The following RSU1 variants were observed in gnomAD, a reference collection of about 807,000 sequenced individuals.
RSU1 encodes the protein rsu-1.
In RSU1, 26 loss-of-function variants were observed where a neutral mutation model predicts 31.1. The observed-to-expected ratio is 0.84, with a 90% CI of 0.61 to 1.16. RSU1 has a LOEUF of 1.16. Among genes scored for constraint, RSU1 ranks in the 50% most tolerant of loss-of-function variants. The probability of loss-of-function intolerance (pLI) is 0.00; values close to 1 mark genes in which losing one functional copy is unlikely to be tolerated. For synonymous variants in RSU1, 164 were observed against 136.3 expected, an observed-to-expected ratio of 1.20 and a Z score of -1.41; for missense variants, 320 against 339.1, an observed-to-expected ratio of 0.94 and a Z score of 0.44.
Position 16,623,885 on chromosome 10 carries a change from C to G in RSU1, c.732-30389G>C, listed in dbSNP as rs1270478452. On this transcript the variant is annotated intron_variant, in intron 8 of 8. Transcript: ENST00000345264. The stretch of plus-strand genomic sequence containing the variant: ...AACTAGAATTCAGTGGATATTAATA[C>G]ATCAGTGTCAAGAGACATTAAAACA... Among the ~76,000 whole-genome samples the G allele has an allele frequency of 2.6e-5, 4 of 152,252 alleles. No homozygotes were observed. The South Asian group carries it at 6.2e-4, about 24-fold the overall frequency.
In RSU1 at chr10:16,695,103, G is replaced by A; in HGVS notation, c.651C>T (p.Pro217=). The change falls in exon 8 of 9, where the codon CCC becomes CCT. Residue 217 remains proline (P), a synonymous_variant. Coordinates refer to ENST00000345264, the MANE Select transcript of RSU1 (RefSeq NM_012425.4). ...ACTGGTCTGCAATGGGGGTCACCCA[G>A]GGATTGTTCTCTGCTTTGAATACCT... ...QKQVFKAENN[P]WVTPIADQFQ... 1 of 1,603,718 alleles carries A rather than the reference G, an allele frequency of 6.2e-7. No homozygotes were observed. Among genetic ancestry groups the A allele is most frequent in the Non-Finnish European group, 8.5e-7 (1 of 1,174,588 alleles).
intron 7 of RSU1, among the ~76,000 whole-genome samples, chr10:16,746,948 T>C (rs1366630785): frequency 6.6e-6 from 1 of 152,124 alleles, no homozygotes; most frequent in Admixed American, 6.6e-5. Context: ...ATTATGTGCA[T>C]TCCACTGTCC....
At chr10:16,747,103 C>T (rs1446436657) in intron 7 of RSU1, among the ~76,000 whole-genome samples, 5 of 152,124 alleles carry the variant, frequency 3.3e-5, no homozygotes, top group Admixed American at 1.3e-4. Flanking sequence ...TGGTGTCAAC[C>T]GAGGTGGCCA....
chr10:16,599,228 G>A (rs1833673291), intron 8 of RSU1, among the ~76,000 whole-genome samples: 1 of 150,398 alleles, frequency 6.6e-6, no homozygotes, highest in South Asian at 2.1e-4. Flanking sequence ...TACCATGCAG[G>A]GCCATGCGGG....
In RSU1 at chr10:16,674,656, C is replaced by T. The variant is rs75573951; in HGVS notation, c.731+20367G>A. Reference sequence around the variant, plus strand: ...TGGGCGATGGGGTCCACTTTAGATACAGTGATAATGGAAAAAACTTTGCTG... The same window carrying T: ...TGGGCGATGGGGTCCACTTTAGATATAGTGATAATGGAAAAAACTTTGCTG... On this transcript the variant is annotated intron_variant, in intron 8 of 8. Coordinates refer to ENST00000345264, the MANE Select transcript of RSU1 (RefSeq NM_012425.4). 6.6e-3 allele frequency among the ~76,000 whole-genome samples: 1,000 copies of T among 152,054 alleles called. 21 individuals are homozygous for T. In the East Asian group the frequency reaches 0.077, roughly 12 times the overall value.
At chr10:16,642,635 G>T (rs1239457462) in intron 8 of RSU1, among the ~76,000 whole-genome samples, 1 of 152,154 alleles carries the variant, frequency 6.6e-6, no homozygotes, top group Non-Finnish European at 1.5e-5. Context: ...AATTCAATTT[G>T]TAACATTCTC....
intron 2 of RSU1, among the ~76,000 whole-genome samples, chr10:16,784,295 T>C (rs943163224): frequency 6.6e-6 from 1 of 152,040 alleles, no homozygotes; most frequent in African/African-American, 2.4e-5. Context: ...AGAAATGGGT[T>C]CTCATTCTGT....
At chr10:16,693,963 T>C (rs1380205233) in intron 8 of RSU1, among the ~76,000 whole-genome samples, 2 of 152,198 alleles carry the variant, frequency 1.3e-5, no homozygotes, top group African/African-American at 4.8e-5. Flanking sequence ...CTTTTTTGTA[T>C]ATGCTTAAAA....
intron 7 of RSU1, among the ~76,000 whole-genome samples, chr10:16,709,270 T>C (rs1835969140): frequency 6.6e-6 from 1 of 152,000 alleles, no homozygotes; most frequent in African/African-American, 2.4e-5. Context: ...CTTGCGATAG[T>C]TTACTGAGAA....
At chr10:16,612,902 C>G (rs1268787935) in intron 8 of RSU1, among the ~76,000 whole-genome samples, 1 of 151,796 alleles carries the variant, frequency 6.6e-6, no homozygotes, top group East Asian at 1.9e-4. Flanking sequence ...CTCCTCTTCC[C>G]CCTGGTTATT....
intron 8 of RSU1, among the ~76,000 whole-genome samples, chr10:16,689,193 G>C (rs1248881223): frequency 6.6e-6 from 1 of 152,112 alleles, no homozygotes; most frequent in Non-Finnish European, 1.5e-5. Flanking sequence ...AAAGATCCTG[G>C]AAATTTAACC....
chr10:16,611,154 G>A (rs1833885431), intron 8 of RSU1, among the ~76,000 whole-genome samples: 1 of 152,166 alleles, frequency 6.6e-6, no homozygotes, highest in African/African-American at 2.4e-5. Context: ...ACTACAGCTT[G>A]GGTGCATTCA....
intron 7 of RSU1, among the ~76,000 whole-genome samples, chr10:16,747,790 C>T (rs1011105292): frequency 3.3e-5 from 5 of 152,230 alleles, no homozygotes; most frequent in African/African-American, 1.2e-4. Context: ...CCCAGTGCTT[C>T]AGGAGGCTGA....
At chr10:16,714,077 G>A (rs753113842) in intron 7 of RSU1, among the ~76,000 whole-genome samples, 1 of 152,180 alleles carries the variant, frequency 6.6e-6, no homozygotes, top group Non-Finnish European at 1.5e-5. Flanking sequence ...GTATGGGTGT[G>A]GAGGGCGAAA....
intron 8 of RSU1, among the ~76,000 whole-genome samples, chr10:16,680,474 G>T (rs1240039978): frequency 6.6e-6 from 1 of 152,148 alleles, no homozygotes; most frequent in Non-Finnish European, 1.5e-5. Flanking sequence ...AGTTTAATTT[G>T]CTCATGGTTC....
chr10:16,714,664 G>A (rs115384434), intron 7 of RSU1, among the ~76,000 whole-genome samples: 1,843 of 152,218 alleles, frequency 0.012, 32 homozygotes, highest in African/African-American at 0.042. Context: ...CATTCCATGT[G>A]ACCTATGCTT....
At chr10:16,802,639 C>T (rs1405720183) in intron 2 of RSU1, among the ~76,000 whole-genome samples, 1 of 152,086 alleles carries the variant, frequency 6.6e-6, no homozygotes, top group African/African-American at 2.4e-5. Context: ...ATACAAAAAT[C>T]CTCTACAAAG....
At chr10:16,624,214 GTGTGTC>G (rs1834118342) in intron 8 of RSU1, among the ~76,000 whole-genome samples, 1 of 140,472 alleles carries the variant, frequency 7.1e-6, no homozygotes, top group Non-Finnish European at 1.5e-5. Context: ...ACATGTGTGT[GTGTGTC>G]TGTAAGTGTG....
At chr10:16,801,523 A>G (rs1307400374) in intron 2 of RSU1, among the ~76,000 whole-genome samples, 3 of 152,164 alleles carry the variant, frequency 2.0e-5, no homozygotes, top group African/African-American at 7.2e-5. Flanking sequence ...TAAAAACACA[A>G]CACCACCATC....
Sources: gnomAD v4.1 joint callset for allele counts (sites outside exome capture counted in the v4.1 genomes callset) on GRCh38, gnomAD v4.1.1 for gene constraint, MANE v1.5 for transcripts, NCBI Gene and HGNC (gene_info 2026-07-23, HGNC 2026-07-21) for gene names.